HECW2: variants seen among roughly 807,000 people sequenced by gnomAD.
HECW2 encodes the protein HECT, C2 and WW domain containing E3 ubiquitin protein ligase 2.
In HECW2, 61 loss-of-function variants were observed where a neutral mutation model predicts 175.2. That is an observed-to-expected ratio of 0.35 (90% confidence interval 0.28 to 0.43). The LOEUF (loss-of-function observed/expected upper bound fraction) is 0.43, where lower values mean the gene tolerates loss of function less well. Ranked by LOEUF, HECW2 falls within the 20% of genes least tolerant of loss-of-function variation. The pLI is 1.00. For missense variants in HECW2, 1,524 were observed against 2,000.5 expected, an observed-to-expected ratio of 0.76 and a Z score of 4.54; for synonymous variants, 671 against 731.0, an observed-to-expected ratio of 0.92 and a Z score of 1.32.
chr2:196,501,771 T>C (rs1687587168), intron 1 of HECW2, among the ~76,000 whole-genome samples: 1 of 152,192 alleles, frequency 6.6e-6, no homozygotes, highest in South Asian at 2.1e-4. Flanking sequence ...TAATTAAATT[T>C]TAGAAAAAAA....
chr2:196,579,369 T>C (rs1690683286), intron 1 of HECW2, among the ~76,000 whole-genome samples: 1 of 152,016 alleles, frequency 6.6e-6, no homozygotes, highest in African/African-American at 2.4e-5. Flanking sequence ...GTAGAAGACA[T>C]GTAGAAAACA....
intron 1 of HECW2, among the ~76,000 whole-genome samples, chr2:196,537,312 G>A (rs113635903): frequency 0.014 from 2,148 of 152,194 alleles, 48 homozygotes; most frequent in African/African-American, 0.05. Context: ...GGACAGGGTG[G>A]GAGGTGGGAA....
chr2:196,464,966 C>T (rs780249718), intron 1 of HECW2, among the ~76,000 whole-genome samples: 7 of 152,086 alleles, frequency 4.6e-5, no homozygotes, highest in Non-Finnish European at 1.0e-4. Context: ...CGCTTGAACC[C>T]AGGAGGTGGA....
chr2:196,250,011 C>T (rs1292581796), intron 19 of HECW2, among the ~76,000 whole-genome samples: 1 of 152,182 alleles, frequency 6.6e-6, no homozygotes, highest in Non-Finnish European at 1.5e-5. Flanking sequence ...GTGAACTCAG[C>T]CACATTTAGA....
At chr2:196,387,750 T>G (rs995511481) in intron 2 of HECW2, among the ~76,000 whole-genome samples, 1 of 152,200 alleles carries the variant, frequency 6.6e-6, no homozygotes, top group Non-Finnish European at 1.5e-5. Context: ...TATTTCAGCA[T>G]GAAGTCAACA....
intron 2 of HECW2, among the ~76,000 whole-genome samples, chr2:196,369,284 T>C (rs1038214482): frequency 6.6e-6 from 1 of 151,984 alleles, no homozygotes. Flanking sequence ...AGAAGAATTC[T>C]GTGGATTACC....
At position 196,443,454 on chromosome 2, in the gene HECW2, A is replaced by G. The variant is rs1202314035; in HGVS notation, c.-35-9996T>C. ...ATGAGCCCCCACTGTAACAATATTT[A>G]TTGGCAGAGGTATCAGTTTTTTACA... On this transcript the variant is annotated intron_variant, in intron 1 of 28. Transcript: ENST00000644978. 3.9e-5 allele frequency among the ~76,000 whole-genome samples: 6 copies of G among 152,352 alleles called. No individual in the cohort carries two copies. In the East Asian group the frequency reaches 1.2e-3, roughly 29 times the overall value.
intron 1 of HECW2, among the ~76,000 whole-genome samples, chr2:196,527,468 G>A (rs540412200): frequency 7.2e-5 from 11 of 152,330 alleles, no homozygotes; most frequent in South Asian, 4.1e-4. Context: ...GCTGTAGACC[G>A]GAGCTGTTTC....
At chr2:196,565,559 C>T (rs1690158888) in intron 1 of HECW2, among the ~76,000 whole-genome samples, 1 of 152,194 alleles carries the variant, frequency 6.6e-6, no homozygotes, top group Admixed American at 6.5e-5. Context: ...GCTTTAACCA[C>T]ATTAACCACC....
intron 1 of HECW2, among the ~76,000 whole-genome samples, chr2:196,452,794 TAAA>T (rs201131840): frequency 2.8e-5 from 3 of 105,680 alleles, no homozygotes; most frequent in Non-Finnish European, 4.1e-5. Context: ...CCCAAAGCAC[TAAA>T]AAAAAAAAAA....
At chr2:196,411,748 C>A (rs527895939) in intron 2 of HECW2, among the ~76,000 whole-genome samples, 1 of 152,212 alleles carries the variant, frequency 6.6e-6, no homozygotes, top group Non-Finnish European at 1.5e-5. Context: ...CGGTGGCTCA[C>A]GCCTGTAATC....
chr2:196,380,657 G>A (rs149501683), intron 2 of HECW2, among the ~76,000 whole-genome samples: 3 of 152,278 alleles, frequency 2.0e-5, no homozygotes, highest in East Asian at 1.9e-4. Context: ...GACATGTCAG[G>A]TAGTGACAAT....
chr2:196,372,214 T>C lies in HECW2; in HGVS notation c.293-28450A>G, dbSNP rs1165662415. The stretch of plus-strand genomic sequence containing the variant: ...ACTATCTAATGATTTTCTTGATATG[T>C]GGCAATAACAGTAATAAGAAGCACA... On this transcript the variant is annotated intron_variant, in intron 2 of 28. Coordinates refer to ENST00000644978, the MANE Select transcript of HECW2 (RefSeq NM_001348768.2). Among the ~76,000 whole-genome samples, 8 of 152,340 alleles carry C rather than the reference T, an allele frequency of 5.3e-5. No homozygotes were observed. The South Asian group carries it at 1.0e-3, about 20-fold the overall frequency.
intron 1 of HECW2, among the ~76,000 whole-genome samples, chr2:196,585,989 T>C (rs887244412): frequency 6.6e-6 from 1 of 152,112 alleles, no homozygotes; most frequent in African/African-American, 2.4e-5. Flanking sequence ...ATCCTAAAAG[T>C]CTGGGTCCCT....
At chr2:196,559,714 A>G (rs1321674040) in intron 1 of HECW2, among the ~76,000 whole-genome samples, 5 of 152,224 alleles carry the variant, frequency 3.3e-5, no homozygotes, top group Admixed American at 2.6e-4. Context: ...AAGCAGAAAA[A>G]GGGGGAAAGG....
intron 1 of HECW2, among the ~76,000 whole-genome samples, chr2:196,485,376 G>A (rs1460781003): frequency 6.6e-6 from 1 of 152,174 alleles, no homozygotes; most frequent in Non-Finnish European, 1.5e-5. Flanking sequence ...ACCTAAGACT[G>A]GGTAATTTTA....
chr2:196,404,478 G>A (rs1178461705), intron 2 of HECW2, among the ~76,000 whole-genome samples: 2 of 152,142 alleles, frequency 1.3e-5, no homozygotes, highest in Non-Finnish European at 2.9e-5. Flanking sequence ...GCCTCCCCTA[G>A]TCAAAGATCT....
At chr2:196,412,571 C>A (rs1055982011) in intron 2 of HECW2, among the ~76,000 whole-genome samples, 1 of 152,168 alleles carries the variant, frequency 6.6e-6, no homozygotes, top group Admixed American at 6.5e-5. Flanking sequence ...TCAGAACACC[C>A]TTTAGGGAAT....
chr2:196,347,575 T>C (rs532330226), intron 2 of HECW2, among the ~76,000 whole-genome samples: 1 of 152,298 alleles, frequency 6.6e-6, no homozygotes, highest in South Asian at 2.1e-4. Context: ...GGGTAAATTG[T>C]ACCATGAGTA....
Sources: allele counts gnomAD v4.1 joint callset (sites outside exome capture counted in the v4.1 genomes callset), GRCh38; gene constraint gnomAD v4.1.1; transcripts MANE v1.5; gene names NCBI Gene and HGNC (gene_info 2026-07-23, HGNC 2026-07-21).